The following SIK3 variants were observed in gnomAD, a reference collection of about 807,000 sequenced individuals.
SIK3 encodes serine/threonine-protein kinase SIK3.
A neutral mutation model predicts 144.2 loss-of-function variants in SIK3; 28 were observed. The observed-to-expected ratio is 0.19, with a 90% CI of 0.14 to 0.27. SIK3 has a LOEUF of 0.27. Ranked by LOEUF, SIK3 falls within the 10% of genes least tolerant of loss-of-function variation. The probability of loss-of-function intolerance (pLI) is 1.00; values close to 1 mark genes in which losing one functional copy is unlikely to be tolerated. For missense variants in SIK3, 1,319 were observed against 1,776.0 expected (o/e 0.74, Z 4.62); for synonymous variants, 686 against 676.3 (o/e 1.01, Z -0.22).
At chr11:116,888,888 G>C (rs1377419550) in intron 6 of SIK3, among the ~76,000 whole-genome samples, 3 of 152,204 alleles carry the variant, frequency 2.0e-5, no homozygotes, top group Non-Finnish European at 4.4e-5. Context: ...CTAATAGACA[G>C]TGTGGCTGAC....
At chr11:117,061,435 C>T (rs1291442397) in intron 1 of SIK3, among the ~76,000 whole-genome samples, 2 of 152,116 alleles carry the variant, frequency 1.3e-5, no homozygotes, top group East Asian at 3.8e-4. Flanking sequence ...TTAATGGTTG[C>T]GTCACTTTGG....
At position 116,930,855 on chromosome 11, in the gene SIK3, C is replaced by T. The variant is rs1320647053; in HGVS notation, c.455-3475G>A. Among the ~76,000 whole-genome samples the T allele has an allele frequency of 2.7e-5, 4 of 150,780 alleles. No individual in the cohort carries two copies. The East Asian group carries it at 7.9e-4, about 30-fold the overall frequency. On this transcript the variant is annotated intron_variant, in intron 3 of 24. Transcript: ENST00000445177. ...CATCACACTAAGCTTTTTTCACCAT[C>T]AATCAACTACTTATCTATTTAGTTG... is the stretch of plus-strand genomic sequence containing the variant.
chr11:117,026,401 G>A (rs554076218), intron 1 of SIK3, among the ~76,000 whole-genome samples: 1 of 152,116 alleles, frequency 6.6e-6, no homozygotes, highest in Non-Finnish European at 1.5e-5. Flanking sequence ...TCGCTAAGCA[G>A]TGCGTGACTA....
intron 1 of SIK3, among the ~76,000 whole-genome samples, chr11:116,969,159 A>G (rs952545595): frequency 1.3e-5 from 2 of 151,790 alleles, no homozygotes; most frequent in Non-Finnish European, 2.9e-5. Context: ...GCGTAGTGGC[A>G]GGCGCCTGTA....
chr11:116,985,692 T>G (rs1950304023), intron 1 of SIK3, among the ~76,000 whole-genome samples: 1 of 152,320 alleles, frequency 6.6e-6, no homozygotes, highest in South Asian at 2.1e-4. Context: ...TGGGTTTTTC[T>G]TTTTCTAAAT....
intron 1 of SIK3, among the ~76,000 whole-genome samples, chr11:117,052,094 T>G (rs1370995352): frequency 6.6e-6 from 1 of 151,570 alleles, no homozygotes; most frequent in African/African-American, 2.4e-5. Flanking sequence ...GTTTGCAAGA[T>G]AGTGCCACTG....
intron 1 of SIK3, among the ~76,000 whole-genome samples, chr11:116,962,212 T>C (rs995788710): frequency 5.9e-5 from 9 of 152,068 alleles, no homozygotes; most frequent in Non-Finnish European, 1.3e-4. Context: ...CCATCAGAAA[T>C]AAATGCCCTA....
intron 3 of SIK3, among the ~76,000 whole-genome samples, chr11:116,945,404 T>A (rs866375169): frequency 3.8e-4 from 53 of 138,920 alleles, no homozygotes; most frequent in South Asian, 1.9e-3. Context: ...TTTTTTTTTT[T>A]AAATAACAGA....
intron 1 of SIK3, among the ~76,000 whole-genome samples, chr11:117,068,296 C>T (rs1273424402): frequency 6.6e-6 from 1 of 152,162 alleles, no homozygotes; most frequent in Non-Finnish European, 1.5e-5. Flanking sequence ...TGACCCCATC[C>T]TACCCATCAA....
In SIK3 at chr11:117,098,257, C is replaced by G. The variant is rs767147610; in HGVS notation, c.159G>C (p.Pro53=). 7 of 1,436,286 alleles carry G rather than the reference C, an allele frequency of 4.9e-6. No homozygotes were observed. Among genetic ancestry groups the G allele is most frequent in the Non-Finnish European group, 6.4e-6 (7 of 1,088,570 alleles). The allele number at this position is 1,436,286 out of a possible 1,614,324, so 89.0% of individuals were successfully genotyped here. ...PAAGQPRPPA[P]ASRGPMPARI... is the part of the protein sequence containing the mutation. ...GGGCGGGCATGGGTCCGCGGGAGGC[C>G]GGGGCTGGGGGACGCGGCTGGCCGG... Residue 53 remains proline (P), a synonymous_variant, in exon 1 of 25, where the codon CCG becomes CCC. Transcript: ENST00000445177.
chr11:117,009,682 C>G (rs1951182343), intron 1 of SIK3, among the ~76,000 whole-genome samples: 1 of 152,160 alleles, frequency 6.6e-6, no homozygotes, highest in Non-Finnish European at 1.5e-5. Flanking sequence ...TCAAAGTACA[C>G]TATTATTATA....
chr11:116,992,816 T>G lies in SIK3; in HGVS notation c.274-35752A>C, dbSNP rs375751436. Among the ~76,000 whole-genome samples the G allele has an allele frequency of 7.9e-5, 12 of 152,210 alleles. 1 individual carries two copies. The South Asian group carries it at 2.1e-3, about 26-fold the overall frequency. On this transcript the variant is annotated intron_variant, in intron 1 of 24. Transcript: ENST00000445177. ...CTAGGCAACATGGAGGGACCTCATC[T>G]CTACAGAAAAATTTAAAAATTAGCC...
chr11:116,987,321 TAA>T (rs35342917), intron 1 of SIK3, among the ~76,000 whole-genome samples: 17,030 of 137,192 alleles, frequency 0.12, 1,609 homozygotes, highest in African/African-American at 0.28. Context: ...CATAAAAGAT[TAA>T]AAAAAAAAAA....
In SIK3 at chr11:116,877,005, A is replaced by C; in HGVS notation, c.903T>G (p.Asp301Glu). The C allele has an allele frequency of 6.2e-7, 1 of 1,614,064 alleles. No individual in the cohort carries two copies. The highest frequency in any genetic ancestry group is 8.5e-7 in the Non-Finnish European group (1 of 1,180,018). The change falls in exon 7 of 25, where the codon GAT (aspartate) becomes GAG (glutamate). Residue 301 changes from aspartate to glutamate, a missense_variant. Physicochemically the swap from Asp to Glu is conservative, Grantham distance 45. Transcript: ENST00000445177. ...EHLIRHMLVLDPNKRLSMEQI... is the reference protein window; with the variant it reads ...EHLIRHMLVLEPNKRLSMEQI... ...GCTCCATGGAGAGGCGCTTATTGGG[A>C]TCTAACACCAACATATGGCGGATCA...
intron 5 of SIK3, 135 bp downstream of exon 5, chr11:116,897,058 G>T: frequency 1.2e-6 from 1 of 857,700 alleles, no homozygotes; most frequent in Non-Finnish European, 1.7e-6. Flanking sequence ...CTTTGCACAG[G>T]AATTGGGACT....
intron 1 of SIK3, among the ~76,000 whole-genome samples, chr11:117,084,175 C>T (rs989002507): frequency 6.6e-6 from 1 of 152,156 alleles, no homozygotes; most frequent in Non-Finnish European, 1.5e-5. Flanking sequence ...GCAACCAATG[C>T]CCCCAACATG....
At chr11:117,023,541 G>C (rs1328013792) in intron 1 of SIK3, among the ~76,000 whole-genome samples, 1 of 144,012 alleles carries the variant, frequency 6.9e-6, no homozygotes, top group African/African-American at 2.6e-5. Flanking sequence ...TGGTAGATGG[G>C]ACTATAGTCA....
chr11:117,065,268 A>G (rs1249923267), intron 1 of SIK3, among the ~76,000 whole-genome samples: 1 of 151,964 alleles, frequency 6.6e-6, no homozygotes, highest in Non-Finnish European at 1.5e-5. Flanking sequence ...ATAAACCCCA[A>G]ACTACTTTAT....
At chr11:117,052,690 C>T (rs1188321487) in intron 1 of SIK3, among the ~76,000 whole-genome samples, 6 of 152,150 alleles carry the variant, frequency 3.9e-5, no homozygotes, top group Non-Finnish European at 7.3e-5. Flanking sequence ...AATCAGAAGT[C>T]CTCTTATGCT....
Sources: gnomAD v4.1 joint callset for allele counts (sites outside exome capture counted in the v4.1 genomes callset) on GRCh38, gnomAD v4.1.1 for gene constraint, MANE v1.5 for transcripts, NCBI Gene and HGNC (gene_info 2026-07-23, HGNC 2026-07-21) for gene names.